CNTN5: variants seen among roughly 807,000 people sequenced by gnomAD.
CNTN5 encodes contactin-5.
In CNTN5, 77 loss-of-function variants were observed where a neutral mutation model predicts 129.1. The observed-to-expected ratio is 0.60, with a 90% CI of 0.50 to 0.72. The LOEUF (loss-of-function observed/expected upper bound fraction) is 0.72, where lower values mean the gene tolerates loss of function less well. Among genes scored for constraint, CNTN5 ranks in the 30% least tolerant of loss-of-function variants. CNTN5 has a pLI of 0.00. For missense variants in CNTN5, 1,478 were observed against 1,328.8 expected, an observed-to-expected ratio of 1.11 and a Z score of -1.75; for synonymous variants, 509 against 465.6, an observed-to-expected ratio of 1.09 and a Z score of -1.20.
At chr11:99,049,300 GAGTT>G (rs1271613919) in intron 1 of CNTN5, among the ~76,000 whole-genome samples, 1 of 152,072 alleles carries the variant, frequency 6.6e-6, no homozygotes, top group South Asian at 2.1e-4. Context: ...ATATTTACCT[GAGTT>G]AGGTAGATAA....
At chr11:99,432,136 A>G (rs1213366377) in intron 2 of CNTN5, among the ~76,000 whole-genome samples, 1 of 152,198 alleles carries the variant, frequency 6.6e-6, no homozygotes, top group Non-Finnish European at 1.5e-5. Context: ...CTCAGCTTTC[A>G]GCTTAATATA....
intron 1 of CNTN5, among the ~76,000 whole-genome samples, chr11:99,163,471 A>G (rs1405453424): frequency 6.6e-6 from 1 of 151,904 alleles, no homozygotes; most frequent in Non-Finnish European, 1.5e-5. Flanking sequence ...CAATTTCTCA[A>G]TTTTCTGTTT....
chr11:100,208,991 G>A (rs1939694), intron 15 of CNTN5, among the ~76,000 whole-genome samples: 8,255 of 152,156 alleles, frequency 0.054, 419 homozygotes, highest in East Asian at 0.3. Flanking sequence ...AAGCTATGTC[G>A]CGTGGTTATC....
intron 3 of CNTN5, among the ~76,000 whole-genome samples, chr11:99,592,657 A>G (rs1343238588): frequency 1.3e-5 from 2 of 152,120 alleles, no homozygotes; most frequent in African/African-American, 2.4e-5. Flanking sequence ...AAGAAAAGGG[A>G]AAAAAAGGTA....
chr11:99,264,183 A>T (rs1862774507), intron 1 of CNTN5, among the ~76,000 whole-genome samples: 1 of 151,516 alleles, frequency 6.6e-6, no homozygotes, highest in Non-Finnish European at 1.5e-5. Flanking sequence ...AAGAGCAATG[A>T]TTATTTTAAA....
At chr11:99,168,384 C>A (rs1860983342) in intron 1 of CNTN5, among the ~76,000 whole-genome samples, 1 of 152,024 alleles carries the variant, frequency 6.6e-6, no homozygotes. Flanking sequence ...TCGAGACCAG[C>A]CTGGCCAACA....
At chr11:99,330,784 G>A (rs911413252) in intron 2 of CNTN5, among the ~76,000 whole-genome samples, 2 of 152,052 alleles carry the variant, frequency 1.3e-5, no homozygotes, top group Non-Finnish European at 2.9e-5. Context: ...TTAAGATTTA[G>A]CAGTGGTCTT....
chr11:100,230,151 T>C (rs1949459190), intron 16 of CNTN5, among the ~76,000 whole-genome samples: 1 of 152,186 alleles, frequency 6.6e-6, no homozygotes, highest in African/African-American at 2.4e-5. Flanking sequence ...GCTAACATAA[T>C]TATTTTTCAA....
At chr11:100,041,671 G>A (rs11222493) in intron 9 of CNTN5, among the ~76,000 whole-genome samples, 22,078 of 152,090 alleles carry the variant, frequency 0.15, 1,644 homozygotes, top group Non-Finnish European at 0.16. Context: ...TGGGACATAG[G>A]CTGACCTCAG....
intron 2 of CNTN5, among the ~76,000 whole-genome samples, chr11:99,541,956 C>CAAAAAAAAA (rs56363127): frequency 3.2e-4 from 22 of 68,858 alleles, no homozygotes; most frequent in African/African-American, 5.8e-4. Context: ...GATCTTGTCT[C>CAAAAAAAAA]AAAAAAAAAA....
intron 2 of CNTN5, among the ~76,000 whole-genome samples, chr11:99,383,816 C>T (rs1409222476): frequency 2.0e-5 from 3 of 152,090 alleles, no homozygotes; most frequent in Non-Finnish European, 2.9e-5. Flanking sequence ...GACACATTTC[C>T]CACAGTGGCA....
Position 100,074,127 on chromosome 11 carries a change from A to G in CNTN5, c.1430-17A>G, listed in dbSNP as rs372876684. 1.1e-5 allele frequency: 18 copies of G among 1,603,432 alleles called. No individual in the cohort carries two copies. Among genetic ancestry groups the G allele is most frequent in the African/African-American group, 5.4e-5 (4 of 73,996 alleles). ...GTCATTGCTTCTGGTAGAAACTAACATTTGCTTTTTTAATAGCTTCAGCTC... is the reference window on the plus strand; with the variant it reads ...GTCATTGCTTCTGGTAGAAACTAACGTTTGCTTTTTTAATAGCTTCAGCTC... On this transcript the variant is annotated splice_polypyrimidine_tract_variant and intron_variant, in intron 12 of 24. Coordinates refer to ENST00000524871, the MANE Select transcript of CNTN5 (RefSeq NM_014361.4).
chr11:99,426,996 T>C (rs139405032), intron 2 of CNTN5, among the ~76,000 whole-genome samples: 9 of 152,302 alleles, frequency 5.9e-5, no homozygotes, highest in African/African-American at 2.2e-4. Context: ...TTAATAACAA[T>C]GGCATAGAAA....
intron 1 of CNTN5, among the ~76,000 whole-genome samples, chr11:99,243,097 C>T (rs1019692573): frequency 6.6e-6 from 1 of 152,156 alleles, no homozygotes; most frequent in African/African-American, 2.4e-5. Flanking sequence ...TACGTTCTCA[C>T]AACAGTGTAT....
chr11:99,100,093 A>C lies in CNTN5; in HGVS notation c.-210+78823A>C, dbSNP rs537578526. Reference sequence around the variant, plus strand: ...ATTAAACATTTGGGAAAAAAATTTTATAAAGTAATGACCCAAAAAACAATC... The same window carrying C: ...ATTAAACATTTGGGAAAAAAATTTTCTAAAGTAATGACCCAAAAAACAATC... On this transcript the variant is annotated intron_variant, in intron 1 of 24. Coordinates refer to ENST00000524871, the MANE Select transcript of CNTN5 (RefSeq NM_014361.4). 5.9e-5 allele frequency among the ~76,000 whole-genome samples: 9 copies of C among 152,316 alleles called. No individual in the cohort carries two copies. The East Asian group carries it at 1.7e-3, about 29-fold the overall frequency.
At position 100,074,255 on chromosome 11, in the gene CNTN5, C is replaced by T. The variant is rs774741065; in HGVS notation, c.1541C>T (p.Ser514Phe). Reference protein sequence around the residue: ...KPQGSPKPTISWKKGDRAVRE... With the variant: ...KPQGSPKPTIFWKKGDRAVRE... ...CAAGGCTCTCCAAAACCAACCATCTCTTGGAAGAAAGGAGACAGAGCAGTT... is the reference window on the plus strand; with the variant it reads ...CAAGGCTCTCCAAAACCAACCATCTTTTGGAAGAAAGGAGACAGAGCAGTT... The change falls in exon 13 of 25, where the codon TCT (serine) becomes TTT (phenylalanine). Residue 514 changes from serine to phenylalanine, a missense_variant. Physicochemically the swap from Ser to Phe is radical, Grantham distance 155. Coordinates refer to ENST00000524871, the MANE Select transcript of CNTN5 (RefSeq NM_014361.4). 5 of 1,610,010 alleles carry T rather than the reference C, an allele frequency of 3.1e-6. No individual in the cohort carries two copies. Among genetic ancestry groups the T allele is most frequent in the African/African-American group, 2.7e-5 (2 of 74,844 alleles).
chr11:99,302,004 T>C (rs1864665038), intron 1 of CNTN5, among the ~76,000 whole-genome samples: 1 of 151,414 alleles, frequency 6.6e-6, no homozygotes, highest in Non-Finnish European at 1.5e-5. Flanking sequence ...AAAGCTTCAG[T>C]AGGAGTTATA....
At chr11:99,561,073 C>T (rs939606792) in intron 3 of CNTN5, among the ~76,000 whole-genome samples, 1 of 152,110 alleles carries the variant, frequency 6.6e-6, no homozygotes, top group Non-Finnish European at 1.5e-5. Context: ...CTCAAAGCAA[C>T]CAGGGCTGTT....
chr11:99,091,877 C>T (rs1417380432), intron 1 of CNTN5, among the ~76,000 whole-genome samples: 1 of 152,140 alleles, frequency 6.6e-6, no homozygotes, highest in Non-Finnish European at 1.5e-5. Context: ...ACAAAACTAA[C>T]TCAATGATCT....
Sources: allele counts gnomAD v4.1 joint callset (sites outside exome capture counted in the v4.1 genomes callset), GRCh38; gene constraint gnomAD v4.1.1; transcripts MANE v1.5; gene names NCBI Gene and HGNC (gene_info 2026-07-23, HGNC 2026-07-21).